LARP1B: variants seen among roughly 807,000 people sequenced by gnomAD.
LARP1B encodes la-related protein 1B.
Under a neutral mutation model 114.2 loss-of-function variants are expected in LARP1B, and 76 were observed. The observed-to-expected ratio is 0.67, with a 90% CI of 0.55 to 0.81. The LOEUF (loss-of-function observed/expected upper bound fraction) is 0.81, where lower values mean the gene tolerates loss of function less well. Among genes scored for constraint, LARP1B ranks in the 30% least tolerant of loss-of-function variants. LARP1B has a pLI of 0.00. For missense variants in LARP1B, 1,014 were observed against 1,075.8 expected, an observed-to-expected ratio of 0.94 and a Z score of 0.80; for synonymous variants, 345 against 348.0, an observed-to-expected ratio of 0.99 and a Z score of 0.10.
At chr4:128,098,767 A>ATTTTTT (rs869184167) in intron 8 of LARP1B, among the ~76,000 whole-genome samples, 1 of 35,030 alleles carries the variant, frequency 2.9e-5, no homozygotes, top group African/African-American at 1.3e-4. Flanking sequence ...ATATATATAT[A>ATTTTTT]TTTTTTTTTT....
chr4:128,103,092 G>T (rs979482881), intron 8 of LARP1B, among the ~76,000 whole-genome samples: 1 of 152,112 alleles, frequency 6.6e-6, no homozygotes, highest in African/African-American at 2.4e-5. Flanking sequence ...AGCTAAGTCA[G>T]TTAAAACCTC....
At chr4:128,100,382 C>T (rs935483033) in intron 8 of LARP1B, among the ~76,000 whole-genome samples, 1 of 152,154 alleles carries the variant, frequency 6.6e-6, no homozygotes, top group African/African-American at 2.4e-5. Flanking sequence ...AAGTGATTCT[C>T]CTGCCTCAGC....
chr4:128,201,275 G>T (rs1755860436), intron 17 of LARP1B, among the ~76,000 whole-genome samples: 1 of 152,168 alleles, frequency 6.6e-6, no homozygotes, highest in South Asian at 2.1e-4. Flanking sequence ...ACTACACAAG[G>T]TTGTTAATAC....
At chr4:128,161,673 C>A (rs1276012827) in intron 11 of LARP1B, among the ~76,000 whole-genome samples, 1 of 152,098 alleles carries the variant, frequency 6.6e-6, no homozygotes, top group Non-Finnish European at 1.5e-5. Context: ...CTCTCATTAC[C>A]TATTTAGAAT....
Position 128,200,572 on chromosome 4 carries a change from G to A in LARP1B, c.2216G>A (p.Arg739His), listed in dbSNP as rs753196849. 99 of 1,592,728 alleles carry A rather than the reference G, an allele frequency of 6.2e-5. No individual in the cohort carries two copies. The highest frequency in any genetic ancestry group is 7.5e-5 in the Non-Finnish European group (88 of 1,170,136). ...GQSQEMNTLF[R>H]FWSFFLRDHF... ...TCCCAAGAAATGAATACCCTCTTTC[G>A]TTTCTGGTCCTTTTTCCTCAGAGAT... The change falls in exon 17 of 20, where the codon CGT becomes CAT. Residue 739 changes from arginine to histidine, a missense_variant. Transcript: ENST00000326639.
chr4:128,083,964 A>C (rs1772109566), intron 5 of LARP1B, among the ~76,000 whole-genome samples: 1 of 148,630 alleles, frequency 6.7e-6, no homozygotes, highest in Non-Finnish European at 1.5e-5. Flanking sequence ...TGCTGGGCGG[A>C]GGGTCTCCTC....
downstream of LARP1B, among the ~76,000 whole-genome samples, chr4:128,213,866 G>A (rs976461441): frequency 7.2e-5 from 11 of 152,054 alleles, no homozygotes; most frequent in African/African-American, 2.7e-4. Flanking sequence ...GAAGACGGGT[G>A]ATTTCTGCAT....
At chr4:128,100,976 C>T (rs1400311987) in intron 8 of LARP1B, among the ~76,000 whole-genome samples, 1 of 150,794 alleles carries the variant, frequency 6.6e-6, no homozygotes, top group African/African-American at 2.4e-5. Context: ...TGCCACCATG[C>T]CTGGCTAATT....
At chr4:128,132,116 T>C (rs1791743529) in intron 11 of LARP1B, among the ~76,000 whole-genome samples, 1 of 152,248 alleles carries the variant, frequency 6.6e-6, no homozygotes, top group African/African-American at 2.4e-5. Context: ...TGTACATGAA[T>C]GTTCATTTCA....
intron 1 of LARP1B, among the ~76,000 whole-genome samples, chr4:128,072,381 T>C (rs189283344): frequency 1.5e-3 from 221 of 152,228 alleles, no homozygotes; most frequent in South Asian, 3.7e-3. Context: ...CTAATGATGT[T>C]TGAAAAATGG....
intron 11 of LARP1B, among the ~76,000 whole-genome samples, chr4:128,146,154 G>A (rs1362516720): frequency 6.6e-6 from 1 of 152,164 alleles, no homozygotes; most frequent in Non-Finnish European, 1.5e-5. Flanking sequence ...GTGTACGTGT[G>A]TGTATCTTTT....
At chr4:128,193,910 G>A (rs546921806) in intron 15 of LARP1B, among the ~76,000 whole-genome samples, 4 of 152,254 alleles carry the variant, frequency 2.6e-5, no homozygotes, top group South Asian at 2.1e-4. Flanking sequence ...GAGCCACTGC[G>A]CTTGGCCTCT....
rs1304062170 is a variant in LARP1B at position 128,162,257 on chromosome 4, C to T, written c.1588C>T (p.Pro530Ser). 1.2e-6 allele frequency: 2 copies of T among 1,613,034 alleles called. No homozygotes were observed. The highest frequency in any genetic ancestry group is 8.5e-7 in the Non-Finnish European group (1 of 1,179,216). The change falls in exon 12 of 20, where the codon CCT becomes TCT. Residue 530 changes from proline (P) to serine (S), a missense_variant. Coordinates refer to ENST00000326639, the MANE Select transcript of LARP1B (RefSeq NM_018078.4). ...ISKEQFENLT[P>S]ELPFEPNQEV... The stretch of plus-strand genomic sequence containing the variant: ...TAAAGAGCAGTTTGAAAACCTAACA[C>T]CTGAACTTCCTTTTGAGCCAAACCA...
rs569674277 is a variant in LARP1B, at chr4:128,121,379, G to A, written c.1162-447G>A. ...GTCGCCCAGGCTCTAGCGCAATGGC[G>A]CGATCTTGGCTCACTGCAACCTCCC... On this transcript the variant is annotated intron_variant, in intron 10 of 19. Transcript: ENST00000326639. Among the ~76,000 whole-genome samples, 22 of 152,110 alleles carry A rather than the reference G, an allele frequency of 1.4e-4. 1 individual carries two copies. Among genetic ancestry groups the A allele is most frequent in the Non-Finnish European group, 8.8e-5 (6 of 68,020 alleles).
chr4:128,207,285 G>A lies in LARP1B; in HGVS notation c.2449G>A (p.Ala817Thr). 1 of 1,510,444 alleles carries A rather than the reference G, an allele frequency of 6.6e-7. No individual in the cohort carries two copies. The highest frequency in any genetic ancestry group is 2.4e-5 in the East Asian group (1 of 41,964). 93.6% of individuals were successfully genotyped at this position (1,510,444 alleles called of 1,614,324 possible). A position where few individuals can be genotyped will look rare whatever the true frequency, so the allele number is the denominator to read the frequency against. ...GQLYGLEKFW[A>T]YLKYSQSKTQ... The stretch of plus-strand genomic sequence containing the variant: ...GCTGTATGGACTAGAAAAGTTTTGG[G>A]CTTATTTGAAATATTCTCAATCTAA... The change falls in exon 19 of 20, where the codon GCT becomes ACT. Residue 817 changes from alanine to threonine, a missense_variant. By Grantham distance (58) the Ala-to-Thr change is moderately conservative. Coordinates refer to ENST00000326639, the MANE Select transcript of LARP1B (RefSeq NM_018078.4).
intron 11 of LARP1B, among the ~76,000 whole-genome samples, chr4:128,142,728 G>A (rs1248057084): frequency 1.3e-5 from 2 of 151,644 alleles, no homozygotes; most frequent in Admixed American, 6.6e-5. Flanking sequence ...AACTGGTCTC[G>A]AACTCCCAAC....
chr4:128,114,507 G>A (rs913596007), intron 9 of LARP1B, 63 bp from the exon 10 acceptor site: 1 of 1,199,372 alleles, frequency 8.3e-7, no homozygotes, highest in Non-Finnish European at 1.2e-6. Flanking sequence ...AAAAAATGAA[G>A]TGTATTTTGT....
intron 6 of LARP1B, among the ~76,000 whole-genome samples, chr4:128,219,792 TAATAA>T (rs1291214251): frequency 7.0e-6 from 1 of 142,876 alleles, no homozygotes; most frequent in Non-Finnish European, 1.5e-5. Context: ...ACTTAAAGTA[TAATAA>T]AATAAATAAA....
chr4:128,180,669 T>C (rs1318763312), intron 15 of LARP1B, among the ~76,000 whole-genome samples: 1 of 152,218 alleles, frequency 6.6e-6, no homozygotes, highest in Non-Finnish European at 1.5e-5. Flanking sequence ...GGACATCTTG[T>C]CTTTGTTGCT....
Sources: allele counts gnomAD v4.1 joint callset (sites outside exome capture counted in the v4.1 genomes callset), GRCh38; gene constraint gnomAD v4.1.1; transcripts MANE v1.5; gene names NCBI Gene and HGNC (gene_info 2026-07-23, HGNC 2026-07-21).